Variants in DMD observed in about 807,000 individuals in gnomAD.
DMD encodes dystrophin.
In DMD, 63 loss-of-function variants were observed where a neutral mutation model predicts 330.1. The ratio of observed to expected loss-of-function variants is 0.19; its 90% CI spans 0.16 to 0.24. The LOEUF (loss-of-function observed/expected upper bound fraction) is 0.24. Among genes scored for constraint, DMD ranks in the 10% least tolerant of loss-of-function variants. The pLI is 1.00. For missense variants in DMD, 3,344 were observed against 2,684.1 expected, an observed-to-expected ratio of 1.25 and a Z score of -5.43; for synonymous variants, 1,223 against 959.8, an observed-to-expected ratio of 1.27 and a Z score of -5.07.
chrX:31,324,652 C>G (rs2056652482), intron 61 of DMD, among the ~76,000 whole-genome samples: 1 of 111,543 alleles, frequency 9.0e-6, no homozygotes, highest in Non-Finnish European at 1.9e-5. Flanking sequence ...TATCTAGCAA[C>G]TTTATGTGTC....
At chrX:32,037,583 C>T (rs759923555) in intron 44 of DMD, among the ~76,000 whole-genome samples, 9 of 111,399 alleles carry the variant, frequency 8.1e-5, no homozygotes, top group African/African-American at 2.3e-4. Context: ...AAAGTGTAAC[C>T]GTGCATAAAT....
rs771397737 is a variant in DMD, at chrX:31,195,775, GAAAA to G, written c.9807+8182_9807+8185del. On this transcript the variant is annotated intron_variant, in intron 67 of 78. Transcript: ENST00000357033. ...GAGAGAGAGAGAACGAAAGAAAAGA[GAAAA>G]GAAAGAAAGAAAGGAAAGGAGAGGA... Among the ~76,000 whole-genome samples, 563 of 102,486 alleles carry G rather than the reference GAAAA, an allele frequency of 5.5e-3. 9 individuals carry two copies. Among genetic ancestry groups the G allele is most frequent in the African/African-American group, 0.02 (537 of 26,911 alleles). 89.0% of individuals were successfully genotyped at this position (102,486 alleles called of 115,157 possible).
At chrX:31,545,284 C>T (rs980708229) in intron 55 of DMD, among the ~76,000 whole-genome samples, 4 of 111,700 alleles carry the variant, frequency 3.6e-5, no homozygotes, top group African/African-American at 1.3e-4. Flanking sequence ...GGCAATTCAG[C>T]AGAAGCTCAC....
At position 32,087,053 on chromosome X, in the gene DMD, C is replaced by G. The variant is rs183999448; in HGVS notation, c.6439-118539G>C. Among the ~76,000 whole-genome samples the G allele has an allele frequency of 3.6e-5, 4 of 111,505 alleles. No homozygotes were observed. The Admixed American group carries it at 3.8e-4, about 11-fold the overall frequency. ...AAACGAGAGTAGTATCCTTATAAAG[C>G]ATTCTTGCCTATCTTAACCACCACT... On this transcript the variant is annotated intron_variant, in intron 44 of 78. Coordinates refer to ENST00000357033, the MANE Select transcript of DMD (RefSeq NM_004006.3).
chrX:32,600,162 T>A (rs554530687), intron 12 of DMD, among the ~76,000 whole-genome samples: 1 of 112,299 alleles, frequency 8.9e-6, no homozygotes. Flanking sequence ...CTTGTCCATG[T>A]CAAGTTGGTT....
At chrX:32,693,813 A>C (rs1023521244) in intron 9 of DMD, among the ~76,000 whole-genome samples, 1 of 111,468 alleles carries the variant, frequency 9.0e-6, no homozygotes, top group African/African-American at 3.3e-5. Flanking sequence ...AACCTACTCT[A>C]ATCAGCAACA....
chrX:32,953,758 T>G (rs375503002), intron 2 of DMD, among the ~76,000 whole-genome samples: 82 of 112,349 alleles, frequency 7.3e-4, no homozygotes, highest in Non-Finnish European at 1.4e-3. Context: ...CAGTATGCTA[T>G]CATGAGAAAG....
intron 60 of DMD, among the ~76,000 whole-genome samples, chrX:31,431,878 G>T (rs1475724959): frequency 1.8e-5 from 2 of 109,619 alleles, no homozygotes; most frequent in Non-Finnish European, 3.8e-5. Context: ...GCAGTGGCAT[G>T]ATCTCAGCTC....
chrX:32,662,880 T>A (rs769357978), intron 9 of DMD, among the ~76,000 whole-genome samples: 1 of 112,089 alleles, frequency 8.9e-6, no homozygotes, highest in Non-Finnish European at 1.9e-5. Context: ...ATGTATACTG[T>A]GGCAATTTTC....
intron 4 of DMD, among the ~76,000 whole-genome samples, chrX:32,835,670 G>A (rs749061304): frequency 9.0e-5 from 10 of 111,618 alleles, no homozygotes; most frequent in South Asian, 3.7e-4. Context: ...CAGGTTAAAC[G>A]CCAGGACAGG....
At chrX:32,563,611 A>G (rs943015406) in intron 16 of DMD, among the ~76,000 whole-genome samples, 11 of 111,733 alleles carry the variant, frequency 9.8e-5, no homozygotes, top group African/African-American at 2.9e-4. Flanking sequence ...CATCACGTCA[A>G]TTGCCTAGGT....
At chrX:31,692,070 T>C (rs1189270640) in intron 52 of DMD, among the ~76,000 whole-genome samples, 1 of 111,845 alleles carries the variant, frequency 8.9e-6, no homozygotes, top group Admixed American at 9.5e-5. Context: ...TCGTGTATCT[T>C]TTCTGACCAC....
intron 29 of DMD, among the ~76,000 whole-genome samples, chrX:32,432,036 A>G (rs2098240451): frequency 8.9e-6 from 1 of 111,852 alleles, no homozygotes; most frequent in Non-Finnish European, 1.9e-5. Context: ...TTGTTTGGAT[A>G]TTTCTTTACC....
chrX:32,321,927 A>T (rs956873028), intron 41 of DMD, among the ~76,000 whole-genome samples: 2 of 111,604 alleles, frequency 1.8e-5, no homozygotes, highest in African/African-American at 6.5e-5. Context: ...TAAAAGGTTA[A>T]CATTAGAGCA....
intron 62 of DMD, among the ~76,000 whole-genome samples, chrX:31,297,903 C>T (rs183549837): frequency 1.8e-3 from 201 of 112,336 alleles, no homozygotes; most frequent in Non-Finnish European, 3.4e-3. Flanking sequence ...CTTTCAATAC[C>T]ACAGAATCAC....
At chrX:33,162,650 A>G (rs2048824534) in intron 1 of DMD, among the ~76,000 whole-genome samples, 1 of 111,292 alleles carries the variant, frequency 9.0e-6, no homozygotes, top group Non-Finnish European at 1.9e-5. Flanking sequence ...ACACACGCAC[A>G]CACCAAAAAT....
intron 48 of DMD, among the ~76,000 whole-genome samples, chrX:31,861,476 T>C (rs1290663700): frequency 9.2e-6 from 1 of 109,288 alleles, no homozygotes; most frequent in Non-Finnish European, 1.9e-5. Context: ...CACAAAGTTA[T>C]ACATTTTCTT....
At position 31,585,323 on chromosome X, in the gene DMD, CAAAAAAAAAAAAA is replaced by C. The variant is rs1213158531; in HGVS notation, c.8217+42337_8217+42349del. On this transcript the variant is annotated intron_variant, in intron 55 of 78. Transcript: ENST00000357033. ...TAGGCAACAGAGTGAGACCCTGTCT[CAAAAAAAAAAAAA>C]AAAAAAAAAAGAATGTAAACATATA... 8.3e-5 allele frequency among the ~76,000 whole-genome samples: 3 copies of C among 36,107 alleles called. No homozygotes were observed. The East Asian group carries it at 2.7e-3, about 32-fold the overall frequency. The allele number at this position is 36,107 out of a possible 115,157, so 31.4% of individuals were successfully genotyped here. A position where few individuals can be genotyped will look rare whatever the true frequency, so the allele number is the denominator to read the frequency against.
chrX:32,452,727 A>T (rs2098339527), intron 26 of DMD, among the ~76,000 whole-genome samples: 1 of 110,675 alleles, frequency 9.0e-6, no homozygotes, highest in East Asian at 2.8e-4. Context: ...ACCTCCCCAA[A>T]GTCAAATTTT....
Sources: gnomAD v4.1 joint callset for allele counts (sites outside exome capture counted in the v4.1 genomes callset) on GRCh38, gnomAD v4.1.1 for gene constraint, MANE v1.5 for transcripts, NCBI Gene and HGNC (gene_info 2026-07-23, HGNC 2026-07-21) for gene names.